The following FBXW7 variants were observed in gnomAD, a reference collection of about 807,000 sequenced individuals.
FBXW7 encodes F-box and WD repeat domain containing 7.
FBXW7 carries 11 observed loss-of-function variants against 86.3 expected under a neutral mutation model. That is an observed-to-expected ratio of 0.13 (90% confidence interval 0.08 to 0.21). The LOEUF is 0.21. Among genes scored for constraint, FBXW7 ranks in the 10% least tolerant of loss-of-function variants. The pLI is 1.00. For missense variants in FBXW7, 488 were observed against 847.4 expected (o/e 0.58, Z 5.27); for synonymous variants, 313 against 297.9 (o/e 1.05, Z -0.52).
intron 2 of FBXW7, among the ~76,000 whole-genome samples, chr4:152,509,350 T>C (rs1747746592): frequency 6.6e-6 from 1 of 152,168 alleles, no homozygotes; most frequent in African/African-American, 2.4e-5. Context: ...TATACTATTT[T>C]TGCCACCGTT....
At chr4:152,469,494 A>G (rs2149648541) in intron 2 of FBXW7, among the ~76,000 whole-genome samples, 1 of 152,236 alleles carries the variant, frequency 6.6e-6, no homozygotes, top group East Asian at 1.9e-4. Context: ...CTAAACAGGA[A>G]ATGCATAGAC....
At chr4:152,354,196 T>C (rs1455615658) in intron 4 of FBXW7, among the ~76,000 whole-genome samples, 1 of 152,108 alleles carries the variant, frequency 6.6e-6, no homozygotes, top group Non-Finnish European at 1.5e-5. Flanking sequence ...TTGAGTCTTC[T>C]AGAAATTATA....
chr4:152,499,063 C>T (rs1464606035), intron 2 of FBXW7, among the ~76,000 whole-genome samples: 2 of 152,038 alleles, frequency 1.3e-5, no homozygotes, highest in South Asian at 4.1e-4. Context: ...TATCAGAGAA[C>T]TGAAGAATCC....
chr4:152,468,362 GGATA>G (rs1333242972), intron 2 of FBXW7, among the ~76,000 whole-genome samples: 1 of 151,854 alleles, frequency 6.6e-6, no homozygotes, highest in African/African-American at 2.4e-5. Flanking sequence ...AAAAAGAAGT[GGATA>G]CAACTCATTA....
At chr4:152,530,084 C>T in intron 2 of FBXW7, among the ~76,000 whole-genome samples, 1 of 148,834 alleles carries the variant, frequency 6.7e-6, no homozygotes, top group South Asian at 2.1e-4. Context: ...CACACACACA[C>T]ACACACACAC....
At chr4:152,454,118 T>C (rs1009214869) in intron 2 of FBXW7, among the ~76,000 whole-genome samples, 1 of 152,166 alleles carries the variant, frequency 6.6e-6, no homozygotes. Flanking sequence ...CCAGTCAATA[T>C]TCAAATTCCC....
At chr4:152,456,496 A>G (rs1229426245) in intron 2 of FBXW7, among the ~76,000 whole-genome samples, 2 of 152,004 alleles carry the variant, frequency 1.3e-5, no homozygotes, top group Non-Finnish European at 2.9e-5. Context: ...TGATCACACC[A>G]CTGCACTCCA....
intron 2 of FBXW7, among the ~76,000 whole-genome samples, chr4:152,479,955 C>T (rs535768471): frequency 1.1e-4 from 16 of 152,296 alleles, no homozygotes; most frequent in African/African-American, 3.8e-4. Context: ...CCAGTTCTAA[C>T]ACTGCTACTA....
In FBXW7 at chr4:152,321,470, G is replaced by A. The variant is rs190525617; in HGVS notation, c.*1411C>T. 5.7e-4 allele frequency: 132 copies of A among 232,938 alleles called. No individual in the cohort carries two copies. Among genetic ancestry groups the A allele is most frequent in the Non-Finnish European group, 9.0e-4 (106 of 117,602 alleles). The allele number at this position is 232,938 out of a possible 1,614,324, so 14.4% of individuals were successfully genotyped here. On this transcript the variant is annotated 3_prime_UTR_variant, in exon 14 of 14. Coordinates refer to ENST00000281708, the MANE Select transcript of FBXW7 (RefSeq NM_001349798.2). Reference sequence around the variant, plus strand: ...ATAAACAGAAGGAGGAAAAAAGATCGCCTAGGATACAGTGTTAAACCACTT... The same window carrying A: ...ATAAACAGAAGGAGGAAAAAAGATCACCTAGGATACAGTGTTAAACCACTT...
intron 2 of FBXW7, among the ~76,000 whole-genome samples, chr4:152,439,831 A>C (rs967673801): frequency 6.9e-6 from 1 of 144,322 alleles, no homozygotes; most frequent in Non-Finnish European, 1.5e-5. Context: ...GTGCCACTGC[A>C]CTCCAGCCTG....
chr4:152,498,439 T>C (rs983737295), intron 2 of FBXW7, among the ~76,000 whole-genome samples: 2 of 152,194 alleles, frequency 1.3e-5, no homozygotes, highest in Non-Finnish European at 2.9e-5. Flanking sequence ...TCTAACTAGT[T>C]TATTATCTCA....
At chr4:152,485,475 TA>T (rs1745257369) in intron 2 of FBXW7, among the ~76,000 whole-genome samples, 1 of 150,552 alleles carries the variant, frequency 6.6e-6, no homozygotes, top group Non-Finnish European at 1.5e-5. Context: ...TGAATAAACA[TA>T]TATTGATGTT....
intron 4 of FBXW7, among the ~76,000 whole-genome samples, chr4:152,374,374 G>C (rs1024828536): frequency 6.6e-6 from 1 of 151,778 alleles, no homozygotes; most frequent in African/African-American, 2.4e-5. Flanking sequence ...TTCAAAATTA[G>C]TACATAGTAA....
chr4:152,425,807 C>G (rs1463242676), intron 2 of FBXW7, among the ~76,000 whole-genome samples: 1 of 152,170 alleles, frequency 6.6e-6, no homozygotes, highest in Non-Finnish European at 1.5e-5. Context: ...AATAAGCCAA[C>G]AGGCCACATA....
chr4:152,357,850 TAAGAG>T (rs1267468445), intron 4 of FBXW7, among the ~76,000 whole-genome samples: 1 of 152,176 alleles, frequency 6.6e-6, no homozygotes, highest in Non-Finnish European at 1.5e-5. Flanking sequence ...TAGTGCAAGT[TAAGAG>T]TTCTATTTAT....
chr4:152,391,433 G>A (rs1327128658), intron 4 of FBXW7, among the ~76,000 whole-genome samples: 3 of 151,960 alleles, frequency 2.0e-5, no homozygotes, highest in East Asian at 1.9e-4. Flanking sequence ...ACACTAACTG[G>A]CTATCAAGAA....
At chr4:152,374,005 C>T (rs933513270) in intron 4 of FBXW7, among the ~76,000 whole-genome samples, 3 of 151,902 alleles carry the variant, frequency 2.0e-5, no homozygotes, top group African/African-American at 7.2e-5. Context: ...GTAATTAATG[C>T]CTTTATTGAT....
At chr4:152,405,836 G>A (rs566053232) in intron 4 of FBXW7, among the ~76,000 whole-genome samples, 1 of 152,308 alleles carries the variant, frequency 6.6e-6, no homozygotes, top group South Asian at 2.1e-4. Context: ...GGGACCTATT[G>A]AGAGGGAAAA....
chr4:152,343,651 G>A (rs559264166), intron 6 of FBXW7, among the ~76,000 whole-genome samples: 7 of 152,140 alleles, frequency 4.6e-5, no homozygotes, highest in African/African-American at 1.7e-4. Flanking sequence ...TGTAATTAAT[G>A]TCTTTACCCA....
Sources: allele counts gnomAD v4.1 joint callset (sites outside exome capture counted in the v4.1 genomes callset), GRCh38; gene constraint gnomAD v4.1.1; transcripts MANE v1.5; gene names NCBI Gene and HGNC (gene_info 2026-07-23, HGNC 2026-07-21).